The following MTTP variants were observed in gnomAD, a reference collection of about 807,000 sequenced individuals.
MTTP encodes microsomal triglyceride transfer protein, also known as microsomal triglyceride transfer protein large subunit.
Under a neutral mutation model 90.6 loss-of-function variants are expected in MTTP, and 49 were observed. That is an observed-to-expected ratio of 0.54 (90% CI 0.43 to 0.69). MTTP has a LOEUF of 0.69. Ranked by LOEUF, MTTP falls within the 30% of genes least tolerant of loss-of-function variation. MTTP has a pLI of 0.00. For synonymous variants in MTTP, 347 were observed against 384.2 expected, an observed-to-expected ratio of 0.90 and a Z score of 1.13; for missense variants, 945 against 1,067.5, an observed-to-expected ratio of 0.89 and a Z score of 1.60.
At chr4:99,610,724 T>C (rs747661286) in intron 12 of MTTP, among the ~76,000 whole-genome samples, 1 of 152,156 alleles carries the variant, frequency 6.6e-6, no homozygotes, top group Non-Finnish European at 1.5e-5. Context: ...TATATGTCAT[T>C]AGTGAGAGAG....
At chr4:99,620,983 C>A in intron 16 of MTTP, 78 bp from the exon 17 acceptor site, 1 of 1,371,374 alleles carries the variant, frequency 7.3e-7, no homozygotes, top group Non-Finnish European at 1.0e-6. Flanking sequence ...CGTTCAGACC[C>A]TGTAAAGTTA....
chr4:99,620,468 G>A (rs1177525769), intron 16 of MTTP, among the ~76,000 whole-genome samples: 1 of 152,166 alleles, frequency 6.6e-6, no homozygotes, highest in Non-Finnish European at 1.5e-5. Context: ...CATCATTAAA[G>A]GACCCACCAT....
Position 99,622,886 on chromosome 4 carries a change from G to T in MTTP, c.*38G>T, listed in dbSNP as rs561157874. The T allele has an allele frequency of 1.9e-6, 3 of 1,593,740 alleles. No individual in the cohort carries two copies. The highest frequency in any genetic ancestry group is 1.1e-5 in the South Asian group (1 of 90,666). ...ATATTTTACTTGAATTTGTCTCCCCGAAAGGGACACAATGTGGCATGACTA... is the reference window on the plus strand; with the variant it reads ...ATATTTTACTTGAATTTGTCTCCCCTAAAGGGACACAATGTGGCATGACTA... On this transcript the variant is annotated 3_prime_UTR_variant, in exon 18 of 18. Transcript: ENST00000265517.
upstream of MTTP, among the ~76,000 whole-genome samples, chr4:99,570,239 A>G (rs1724811588): frequency 6.6e-6 from 1 of 151,946 alleles, no homozygotes; most frequent in African/African-American, 2.4e-5. Flanking sequence ...GAAAATCTCT[A>G]TTTCAAGTTT....
intron 12 of MTTP, among the ~76,000 whole-genome samples, 169 bp downstream of exon 12, chr4:99,609,146 A>C (rs1166167621): frequency 1.3e-5 from 2 of 152,204 alleles, no homozygotes; most frequent in African/African-American, 2.4e-5. Context: ...CAGATGAAAC[A>C]ACTTCACTTT....
intron 12 of MTTP, among the ~76,000 whole-genome samples, chr4:99,609,729 G>A (rs1197325379): frequency 6.6e-6 from 1 of 152,106 alleles, no homozygotes; most frequent in Non-Finnish European, 1.5e-5. Context: ...AGAGAAACAA[G>A]GACTAAGACT....
At chr4:99,596,140 T>G (rs1361251257) in intron 7 of MTTP, among the ~76,000 whole-genome samples, 1 of 152,138 alleles carries the variant, frequency 6.6e-6, no homozygotes, top group Non-Finnish European at 1.5e-5. Context: ...GGAATTTCAC[T>G]TGGAATATCT....
At chr4:99,587,076 T>A (rs2110214826) in intron 3 of MTTP, among the ~76,000 whole-genome samples, 1 of 152,336 alleles carries the variant, frequency 6.6e-6, no homozygotes, top group South Asian at 2.1e-4. Context: ...CTTACTCAGT[T>A]CCTGTTGTGA....
chr4:99,606,066 C>T (rs1462026538), intron 10 of MTTP, among the ~76,000 whole-genome samples: 1 of 152,066 alleles, frequency 6.6e-6, no homozygotes, highest in Admixed American at 6.6e-5. Context: ...TATGTAGTGG[C>T]AAATATAAGA....
At chr4:99,606,456 A>T (rs1725818617) in intron 10 of MTTP, among the ~76,000 whole-genome samples, 1 of 152,226 alleles carries the variant, frequency 6.6e-6, no homozygotes, top group Non-Finnish European at 1.5e-5. Flanking sequence ...AATCACAATG[A>T]AATTAAAAAG....
At chr4:99,613,268 T>G in intron 15 of MTTP, 128 bp downstream of exon 15, 2 of 783,350 alleles carry the variant, frequency 2.6e-6, no homozygotes, top group Non-Finnish European at 4.3e-6. Context: ...TCCAAGCACT[T>G]GGCCCTCTTG....
Position 99,612,940 on chromosome 4 carries a change from G to A in MTTP, c.2017G>A (p.Ala673Thr). The change falls in exon 15 of 18, where the codon GCC becomes ACC. Residue 673 changes from alanine (A) to threonine (T), a missense_variant. By Grantham distance (58) the Ala-to-Thr change is moderately conservative. Coordinates refer to ENST00000265517, the MANE Select transcript of MTTP (RefSeq NM_001386140.1). ...QVVIEAQGLEALIAATPDEGE... is the reference protein window; with the variant it reads ...QVVIEAQGLETLIAATPDEGE... ...GGTTATTGAAGCCCAAGGACTGGAA[G>A]CCTTAATCGCAGCCACCCCTGACGA... 6.2e-7 allele frequency: 1 copy of A among 1,614,022 alleles called. No individual in the cohort carries two copies. The highest frequency in any genetic ancestry group is 8.5e-7 in the Non-Finnish European group (1 of 1,179,948).
In MTTP at chr4:99,618,806, G is replaced by A. The variant is rs193204483; in HGVS notation, c.2218-168G>A. 2.3e-3 allele frequency among the ~76,000 whole-genome samples: 354 copies of A among 152,170 alleles called. 1 individual carries two copies. The highest frequency in any genetic ancestry group is 7.4e-3 in the African/African-American group (307 of 41,518). On this transcript the variant is annotated intron_variant, in intron 15 of 17. Coordinates refer to ENST00000265517, the MANE Select transcript of MTTP (RefSeq NM_001386140.1). ...TAGCAAATCAACAGAGTCTACTTCC[G>A]GTGCTTAAAATTAGGACAGCATGTT...
chr4:99,611,582 C>T, intron 14 of MTTP, 129 bp downstream of exon 14: 1 of 1,293,354 alleles, frequency 7.7e-7, no homozygotes, highest in Non-Finnish European at 1.1e-6. Flanking sequence ...TCATATTTTG[C>T]CCATGATTTC....
At chr4:99,577,984 C>A (rs1315756948) in intron 1 of MTTP, among the ~76,000 whole-genome samples, 1 of 151,996 alleles carries the variant, frequency 6.6e-6, no homozygotes, top group South Asian at 2.1e-4. Context: ...TACCCTTCAT[C>A]TTCTTTTTTA....
Position 99,623,014 on chromosome 4 carries a change from C to A in MTTP, c.*166C>A. On this transcript the variant is annotated 3_prime_UTR_variant, in exon 18 of 18. Coordinates refer to ENST00000265517, the MANE Select transcript of MTTP (RefSeq NM_001386140.1). ...CAGTTTGATCAAATTTGGGTATATG[C>A]AGTATGCTACCCACAGCGTCATTTT... is the stretch of plus-strand genomic sequence containing the variant. 2 of 724,194 alleles carry A rather than the reference C, an allele frequency of 2.8e-6. No individual in the cohort carries two copies. Among genetic ancestry groups the A allele is most frequent in the Non-Finnish European group, 4.8e-6 (2 of 413,980 alleles). The allele number at this position is 724,194 out of a possible 1,614,324, so 44.9% of individuals were successfully genotyped here.
Position 99,612,997 on chromosome 4 carries a change from A to G in MTTP, c.2074A>G (p.Met692Val), listed in dbSNP as rs945120997. The G allele has an allele frequency of 7.4e-6, 12 of 1,614,060 alleles. No individual in the cohort carries two copies. The highest frequency in any genetic ancestry group is 1.0e-5 in the Non-Finnish European group (12 of 1,179,960). ...GEENLDSYAG[M>V]SAILFDVQLR... ...GGAGAACCTTGACTCCTATGCTGGT[A>G]TGTCAGCCATCCTCTTTGATGTTCA... The change falls in exon 15 of 18, where the codon ATG (methionine) becomes GTG (valine). Residue 692 changes from methionine to valine, a missense_variant. By Grantham distance (21) the Met-to-Val change is conservative. Transcript: ENST00000265517.
chr4:99,594,630 A>G, intron 6 of MTTP, 103 bp from the exon 7 acceptor site: 1 of 1,381,252 alleles, frequency 7.2e-7, no homozygotes, highest in Non-Finnish European at 1.0e-6. Context: ...GCTATATACA[A>G]CTTGAATAAA....
At chr4:99,595,195 G>A (rs1287135109) in intron 7 of MTTP, among the ~76,000 whole-genome samples, 2 of 152,174 alleles carry the variant, frequency 1.3e-5, no homozygotes, top group African/African-American at 4.8e-5. Context: ...TGTCAAGAAT[G>A]TGGACAACGG....
Sources: gnomAD v4.1 joint callset for allele counts (sites outside exome capture counted in the v4.1 genomes callset) on GRCh38, gnomAD v4.1.1 for gene constraint, MANE v1.5 for transcripts, NCBI Gene and HGNC (gene_info 2026-07-23, HGNC 2026-07-21) for gene names.